Variants in PRKCA observed in about 807,000 individuals in gnomAD.
PRKCA encodes protein kinase C alpha.
A neutral mutation model predicts 87.0 loss-of-function variants in PRKCA; 27 were observed. The observed-to-expected ratio is 0.31, with a 90% CI of 0.23 to 0.43. The LOEUF is 0.43. Among genes scored for constraint, PRKCA ranks in the 20% least tolerant of loss-of-function variants. The pLI is 1.00. For synonymous variants in PRKCA, 329 were observed against 311.1 expected (o/e 1.06, Z -0.61); for missense variants, 518 against 852.3 (o/e 0.61, Z 4.88).
chr17:66,507,661 G>T (rs151231398), intron 3 of PRKCA, among the ~76,000 whole-genome samples: 1 of 152,202 alleles, frequency 6.6e-6, no homozygotes, highest in Non-Finnish European at 1.5e-5. Context: ...CTTCTGAAGA[G>T]GGTACAGAGT....
At chr17:66,666,836 C>A (rs6504446) in intron 5 of PRKCA, among the ~76,000 whole-genome samples, 87,265 of 151,412 alleles carry the variant, frequency 0.58, 25,520 homozygotes, top group African/African-American at 0.69. Flanking sequence ...AATCCCCCCC[C>A]CACACACAAA....
At chr17:66,455,126 T>G (rs780617883) in intron 2 of PRKCA, among the ~76,000 whole-genome samples, 8 of 152,204 alleles carry the variant, frequency 5.3e-5, no homozygotes, top group Non-Finnish European at 8.8e-5. Context: ...TCCACATAAG[T>G]GAGTCAGGGA....
chr17:66,763,094 A>C (rs928464627), intron 13 of PRKCA, among the ~76,000 whole-genome samples: 3 of 152,224 alleles, frequency 2.0e-5, no homozygotes, highest in Non-Finnish European at 4.4e-5. Context: ...CCCAGCTTGA[A>C]AACATTTTTC....
intron 2 of PRKCA, among the ~76,000 whole-genome samples, chr17:66,405,860 G>T (rs1425032390): frequency 6.6e-6 from 1 of 152,106 alleles, no homozygotes; most frequent in Non-Finnish European, 1.5e-5. Flanking sequence ...AATATGCTTT[G>T]CTGGACTCTG....
At chr17:66,790,319 G>A (rs1399281851) in intron 16 of PRKCA, among the ~76,000 whole-genome samples, 1 of 152,220 alleles carries the variant, frequency 6.6e-6, no homozygotes, top group African/African-American at 2.4e-5. Context: ...AATCAGGTCA[G>A]TTGACTTCCT....
At chr17:66,563,378 A>AT (rs1968776324) in intron 3 of PRKCA, among the ~76,000 whole-genome samples, 1 of 152,112 alleles carries the variant, frequency 6.6e-6, no homozygotes, top group African/African-American at 2.4e-5. Context: ...TATTGCCTCC[A>AT]TAGTTTTTCC....
chr17:66,403,462 A>G (rs148000642), intron 2 of PRKCA, among the ~76,000 whole-genome samples: 6 of 152,356 alleles, frequency 3.9e-5, no homozygotes, highest in Non-Finnish European at 7.3e-5. Context: ...TAGCTCCTAA[A>G]TAAGGTGTTA....
chr17:66,378,900 C>CA (rs35793230), intron 2 of PRKCA, among the ~76,000 whole-genome samples: 53,945 of 132,560 alleles, frequency 0.41, 10,300 homozygotes, highest in East Asian at 0.55. Flanking sequence ...GACTCCATCT[C>CA]AAAAAAAAAA....
At position 66,808,322 on chromosome 17, in the gene PRKCA, G is replaced by GGTTTTTT. The variant is rs10650691; in HGVS notation, c.*4285_*4286insGTTTTTT. 7.6e-6 allele frequency: 1 copy of GGTTTTTT among 131,264 alleles called. No individual in the cohort carries two copies. Among genetic ancestry groups the GGTTTTTT allele is most frequent in the African/African-American group, 2.9e-5 (1 of 34,194 alleles). 8.1% of individuals were successfully genotyped at this position (131,264 alleles called of 1,614,324 possible). On this transcript the variant is annotated 3_prime_UTR_variant, in exon 17 of 17. Transcript: ENST00000413366. The stretch of plus-strand genomic sequence containing the variant: ...GAGGGTTTTTTTTGTTTTTGTTCCT[G>GGTTTTTT]TTTTTTTTTTTTTTGCTGGAATTTG...
At position 66,424,568 on chromosome 17, in the gene PRKCA, A is replaced by AACACACAC. The variant is rs141074503; in HGVS notation, c.206-71609_206-71602dup. Reference sequence around the variant, plus strand: ...GGCAGCAGAGCACGACCCTGTCTCAAACACACACACACACACACACACACA... The same window carrying AACACACAC: ...GGCAGCAGAGCACGACCCTGTCTCAAACACACACACACACACACACACACACACACACA... On this transcript the variant is annotated intron_variant, in intron 2 of 16. Transcript: ENST00000413366. Among the ~76,000 whole-genome samples, 936 of 141,964 alleles carry AACACACAC rather than the reference A, an allele frequency of 6.6e-3. 7 individuals are homozygous for AACACACAC. The highest frequency in any genetic ancestry group is 0.012 in the African/African-American group (458 of 37,584). 93.1% of individuals were successfully genotyped at this position (141,964 alleles called of 152,430 possible).
chr17:66,703,227 G>A (rs1973104797), intron 8 of PRKCA: 1 of 152,076 alleles, frequency 6.6e-6, no homozygotes, highest in African/African-American at 2.4e-5. Flanking sequence ...CAAATACATT[G>A]TATAGCTGTA....
intron 2 of PRKCA, among the ~76,000 whole-genome samples, chr17:66,447,442 G>A (rs146627820): frequency 6.6e-6 from 1 of 152,288 alleles, no homozygotes; most frequent in South Asian, 2.1e-4. Context: ...AAGGCACGGG[G>A]CCTTAGTGCT....
At chr17:66,595,463 C>CTTTTTTTTTTTTTTTTTTTT (rs374376124) in intron 3 of PRKCA, among the ~76,000 whole-genome samples, 1 of 116,556 alleles carries the variant, frequency 8.6e-6, no homozygotes, top group Non-Finnish European at 1.7e-5. Context: ...TCTTTTCCTT[C>CTTTTTTTTTTTTTTTTTTTT]TTTTTTTTTT....
At chr17:66,369,516 T>C (rs1346191874) in intron 2 of PRKCA, among the ~76,000 whole-genome samples, 2 of 152,162 alleles carry the variant, frequency 1.3e-5, no homozygotes, top group African/African-American at 2.4e-5. Flanking sequence ...ATTAAAGCAG[T>C]TGGTGCTGGG....
intron 3 of PRKCA, among the ~76,000 whole-genome samples, chr17:66,631,784 C>T (rs960534459): frequency 6.6e-6 from 1 of 152,070 alleles, no homozygotes; most frequent in Non-Finnish European, 1.5e-5. Context: ...ACATTGCATG[C>T]CTGTATCAAA....
At chr17:66,643,913 A>G (rs1365495750) in intron 4 of PRKCA, among the ~76,000 whole-genome samples, 2 of 152,242 alleles carry the variant, frequency 1.3e-5, no homozygotes, top group African/African-American at 4.8e-5. Context: ...AAATGAAATT[A>G]GAGCAAATCA....
chr17:66,485,165 A>C (rs986125786), intron 2 of PRKCA, among the ~76,000 whole-genome samples: 10 of 152,182 alleles, frequency 6.6e-5, no homozygotes, highest in African/African-American at 2.2e-4. Flanking sequence ...ATTGGTGTAT[A>C]GTAAGTGTAC....
chr17:66,747,804 A>C (rs541280308), intron 13 of PRKCA, among the ~76,000 whole-genome samples: 1 of 152,348 alleles, frequency 6.6e-6, no homozygotes, highest in Non-Finnish European at 1.5e-5. Flanking sequence ...CCCCAGGGAG[A>C]TCCCTTAGAA....
intron 5 of PRKCA, among the ~76,000 whole-genome samples, chr17:66,647,684 C>T (rs186434012): frequency 1.8e-4 from 27 of 152,320 alleles, no homozygotes; most frequent in Admixed American, 1.2e-3. Context: ...CAGGCCTTAT[C>T]GTGCTAGAGC....
Sources: gnomAD v4.1 joint callset for allele counts (sites outside exome capture counted in the v4.1 genomes callset) on GRCh38, gnomAD v4.1.1 for gene constraint, MANE v1.5 for transcripts, NCBI Gene and HGNC (gene_info 2026-07-23, HGNC 2026-07-21) for gene names.